CMTM8: variants seen among roughly 807,000 people sequenced by gnomAD.
CMTM8 encodes CKLF-like MARVEL transmembrane domain-containing protein 8.
Under a neutral mutation model 18.6 loss-of-function variants are expected in CMTM8, and 12 were observed. The observed-to-expected ratio is 0.65, with a 90% confidence interval of 0.41 to 1.05. The LOEUF is 1.05. CMTM8 is among the 50% of genes least tolerant of loss of function. CMTM8 has a pLI of 0.00. For synonymous variants in CMTM8, 87 were observed against 90.6 expected, an observed-to-expected ratio of 0.96 and a Z score of 0.23; for missense variants, 217 against 227.2, an observed-to-expected ratio of 0.95 and a Z score of 0.29.
chr3:32,275,933 G>A (rs1381952106), intron 1 of CMTM8, among the ~76,000 whole-genome samples: 1 of 152,046 alleles, frequency 6.6e-6, no homozygotes, highest in African/African-American at 2.4e-5. Flanking sequence ...ACAGGTGTGA[G>A]TTACCACTCG....
intron 1 of CMTM8, among the ~76,000 whole-genome samples, chr3:32,285,949 A>C (rs1224146404): frequency 6.6e-6 from 1 of 152,248 alleles, no homozygotes; most frequent in African/African-American, 2.4e-5. Flanking sequence ...AGTTATGGAC[A>C]CAGGTGACTT....
At chr3:32,321,318 G>A (rs1301776099) in intron 1 of CMTM8, among the ~76,000 whole-genome samples, 1 of 152,122 alleles carries the variant, frequency 6.6e-6, no homozygotes, top group East Asian at 1.9e-4. Flanking sequence ...GGGAAGAGGG[G>A]CAGGAACGCA....
intron 1 of CMTM8, among the ~76,000 whole-genome samples, chr3:32,295,952 G>A (rs1247219388): frequency 2.0e-5 from 3 of 152,094 alleles, no homozygotes; most frequent in Non-Finnish European, 4.4e-5. Flanking sequence ...CCACTTGCCT[G>A]TAATGGTTTC....
At chr3:32,268,904 C>T (rs1268873023) in intron 1 of CMTM8, among the ~76,000 whole-genome samples, 1 of 152,162 alleles carries the variant, frequency 6.6e-6, no homozygotes, top group Non-Finnish European at 1.5e-5. Context: ...ACAGGTGCCG[C>T]TTTCTGGGGG....
chr3:32,305,080 T>C lies in CMTM8; in HGVS notation c.148-52293T>C, dbSNP rs1043000463. Among the ~76,000 whole-genome samples the C allele has an allele frequency of 2.0e-5, 3 of 152,156 alleles. No individual in the cohort carries two copies. In the East Asian group the frequency reaches 5.8e-4, roughly 29 times the overall value. ...GGCATTAGGTAGAGAGTGATGTAAT[T>C]CCTAATCTCAAACATTTTTGTTTCA... On this transcript the variant is annotated intron_variant, in intron 1 of 3. Coordinates refer to ENST00000307526, the MANE Select transcript of CMTM8 (RefSeq NM_178868.5).
chr3:32,275,246 C>T (rs1156549499), intron 1 of CMTM8, among the ~76,000 whole-genome samples: 1 of 151,934 alleles, frequency 6.6e-6, no homozygotes, highest in Non-Finnish European at 1.5e-5. Flanking sequence ...AACTCCTGAG[C>T]TCAAGCAGTC....
At chr3:32,282,732 G>T (rs996800535) in intron 1 of CMTM8, among the ~76,000 whole-genome samples, 1 of 152,120 alleles carries the variant, frequency 6.6e-6, no homozygotes, top group Non-Finnish European at 1.5e-5. Context: ...GTTTCAGTCT[G>T]CAAGACCCCA....
intron 2 of CMTM8, among the ~76,000 whole-genome samples, chr3:32,361,694 C>T (rs1015716231): frequency 6.6e-6 from 1 of 152,074 alleles, no homozygotes; most frequent in African/African-American, 2.4e-5. Flanking sequence ...TAGCTCATCC[C>T]CTTAATGTGT....
intron 1 of CMTM8, among the ~76,000 whole-genome samples, chr3:32,294,960 C>A (rs574460852): frequency 5.8e-4 from 89 of 152,154 alleles, no homozygotes; most frequent in Admixed American, 1.7e-3. Context: ...GAGGTTGAGG[C>A]AGGAGAATCT....
intron 1 of CMTM8, among the ~76,000 whole-genome samples, chr3:32,240,933 A>G (rs976740077): frequency 1.3e-5 from 2 of 152,082 alleles, no homozygotes; most frequent in African/African-American, 2.4e-5. Context: ...GACCACAGGC[A>G]TGCACCAACA....
intron 1 of CMTM8, among the ~76,000 whole-genome samples, chr3:32,274,221 G>A (rs1300964692): frequency 6.6e-6 from 1 of 151,632 alleles, no homozygotes; most frequent in Non-Finnish European, 1.5e-5. Context: ...GAAGTGGGAG[G>A]ATTGCTTGAG....
At chr3:32,240,563 A>G (rs541487627) in intron 1 of CMTM8, among the ~76,000 whole-genome samples, 26 of 152,268 alleles carry the variant, frequency 1.7e-4, no homozygotes, top group Admixed American at 5.9e-4. Context: ...CTGATTTATT[A>G]TCGATATGCT....
chr3:32,326,518 T>TC (rs1454954569), intron 1 of CMTM8, among the ~76,000 whole-genome samples: 1 of 141,274 alleles, frequency 7.1e-6, no homozygotes, highest in Non-Finnish European at 1.5e-5. Context: ...TTTCTTTCTT[T>TC]TTTTTTTTTT....
At chr3:32,321,843 C>T (rs1401582588) in intron 1 of CMTM8, among the ~76,000 whole-genome samples, 23 of 152,222 alleles carry the variant, frequency 1.5e-4, no homozygotes, top group Admixed American at 1.5e-3. Flanking sequence ...AAGTAATCCA[C>T]CCGCCTTGGC....
chr3:32,303,457 G>A (rs1695662142), intron 1 of CMTM8, among the ~76,000 whole-genome samples: 2 of 152,146 alleles, frequency 1.3e-5, no homozygotes, highest in East Asian at 1.9e-4. Context: ...CAGGTGTTTC[G>A]TTTTTGTTTT....
rs546688060 is a variant in CMTM8, at chr3:32,351,691, A to G, written c.148-5682A>G. Among the ~76,000 whole-genome samples the G allele has an allele frequency of 3.9e-4, 58 of 150,582 alleles. 1 individual carries two copies. In the South Asian group the frequency reaches 0.012, roughly 32 times the overall value. On this transcript the variant is annotated intron_variant, in intron 1 of 3. Transcript: ENST00000307526. ...CACACCACTGCACTCCAGCCTGGGC[A>G]ACAGAGTGAGACCCTGTCTCAAAAA...
intron 1 of CMTM8, among the ~76,000 whole-genome samples, chr3:32,260,982 GAGGCCAA>G (rs1702249100): frequency 6.6e-6 from 1 of 152,060 alleles, no homozygotes; most frequent in Non-Finnish European, 1.5e-5. Flanking sequence ...AGCACTTTGG[GAGGCCAA>G]AGTCAGAGGA....
intron 1 of CMTM8, among the ~76,000 whole-genome samples, chr3:32,342,312 T>C (rs1057156040): frequency 1.3e-5 from 2 of 152,168 alleles, no homozygotes; most frequent in African/African-American, 4.8e-5. Context: ...TGAGGTAAGG[T>C]ACAAGAAGTG....
chr3:32,317,779 G>A (rs925794018), intron 1 of CMTM8, among the ~76,000 whole-genome samples: 2 of 152,164 alleles, frequency 1.3e-5, no homozygotes, highest in Non-Finnish European at 2.9e-5. Context: ...TAAGGGCCAG[G>A]TGTGGTTGGC....
Sources: allele counts gnomAD v4.1 joint callset (sites outside exome capture counted in the v4.1 genomes callset), GRCh38; gene constraint gnomAD v4.1.1; transcripts MANE v1.5; gene names NCBI Gene and HGNC (gene_info 2026-07-23, HGNC 2026-07-21).